Variants in PSPC1 observed in about 807,000 individuals in gnomAD.
PSPC1 encodes the protein paraspeckle protein 1.
PSPC1 carries 14 observed loss-of-function variants against 51.6 expected under a neutral mutation model. The observed-to-expected ratio is 0.27, with a 90% confidence interval of 0.18 to 0.42. The LOEUF (loss-of-function observed/expected upper bound fraction) is 0.42. Among genes scored for constraint, PSPC1 ranks in the 10% least tolerant of loss-of-function variants. The pLI, the probability that PSPC1 is intolerant of heterozygous loss-of-function variation, is 1.00. For missense variants in PSPC1, 406 were observed against 701.1 expected (o/e 0.58, Z 4.75); for synonymous variants, 193 against 231.9 (o/e 0.83, Z 1.53).
At chr13:19,695,476 T>A (rs965552138) in intron 6 of PSPC1, among the ~76,000 whole-genome samples, 3 of 152,240 alleles carry the variant, frequency 2.0e-5, no homozygotes, top group Non-Finnish European at 4.4e-5. Flanking sequence ...AAGGGCAATG[T>A]AGCACAATAC....
chr13:19,773,887 G>A (rs908298908), intron 1 of PSPC1, among the ~76,000 whole-genome samples: 6 of 151,958 alleles, frequency 3.9e-5, no homozygotes, highest in Non-Finnish European at 7.4e-5. Flanking sequence ...CGAACTCCTG[G>A]CCTCAAACAG....
intron 6 of PSPC1, among the ~76,000 whole-genome samples, chr13:19,686,901 A>G (rs540086970): frequency 6.6e-6 from 1 of 152,292 alleles, no homozygotes; most frequent in African/African-American, 2.4e-5. Flanking sequence ...AAGTATGAAT[A>G]TAGCCATCTT....
At chr13:19,680,554 T>C (rs1475218966) in intron 6 of PSPC1, among the ~76,000 whole-genome samples, 1 of 152,096 alleles carries the variant, frequency 6.6e-6, no homozygotes, top group Non-Finnish European at 1.5e-5. Context: ...AGACAGCACT[T>C]AATACTTCCT....
intron 2 of PSPC1, among the ~76,000 whole-genome samples, chr13:19,759,857 A>G (rs1887445443): frequency 1.4e-5 from 1 of 73,564 alleles, no homozygotes; most frequent in South Asian, 6.3e-4. Context: ...GCAAGACTCC[A>G]TCACAAAAAA....
downstream of PSPC1, among the ~76,000 whole-genome samples, chr13:19,674,099 C>G (rs1393687153): frequency 6.6e-6 from 1 of 152,238 alleles, no homozygotes; most frequent in Non-Finnish European, 1.5e-5. Flanking sequence ...TGTGGCCAGA[C>G]TCGCATCATG....
chr13:19,761,577 T>A (rs868765226), intron 2 of PSPC1, among the ~76,000 whole-genome samples: 4 of 152,230 alleles, frequency 2.6e-5, no homozygotes, highest in Middle Eastern at 6.8e-3. Context: ...ACAAAATAAC[T>A]TTTCAAAATT....
chr13:19,766,779 T>C (rs1018125272), intron 2 of PSPC1, among the ~76,000 whole-genome samples: 4 of 151,200 alleles, frequency 2.6e-5, no homozygotes, highest in Middle Eastern at 3.2e-3. Context: ...GACTTGAGCC[T>C]AGCAGGTTGA....
At chr13:19,745,156 A>G (rs1291525333) in intron 4 of PSPC1, among the ~76,000 whole-genome samples, 1 of 152,068 alleles carries the variant, frequency 6.6e-6, no homozygotes, top group Non-Finnish European at 1.5e-5. Context: ...TGTCTCTATT[A>G]AAACTACAAA....
chr13:19,753,106 CCG>C, intron 3 of PSPC1, among the ~76,000 whole-genome samples: 1 of 151,700 alleles, frequency 6.6e-6, no homozygotes, highest in South Asian at 2.1e-4. Flanking sequence ...CATGGCGAAA[CCG>C]CCCCTCTCTA....
chr13:19,708,219 T>C (rs541177651), intron 7 of PSPC1, among the ~76,000 whole-genome samples: 16 of 152,154 alleles, frequency 1.1e-4, no homozygotes, highest in Non-Finnish European at 2.2e-4. Context: ...TCATGGAAAA[T>C]GTTCATTCCA....
intron 6 of PSPC1, among the ~76,000 whole-genome samples, chr13:19,696,147 C>T (rs1879198890): frequency 6.6e-6 from 1 of 152,114 alleles, no homozygotes; most frequent in Admixed American, 6.6e-5. Context: ...CTCAAAATGG[C>T]TGATTCATGT....
At chr13:19,739,584 C>T (rs1014038594) in intron 5 of PSPC1, among the ~76,000 whole-genome samples, 2 of 151,906 alleles carry the variant, frequency 1.3e-5, no homozygotes, top group Non-Finnish European at 2.9e-5. Context: ...CCCATCTCTA[C>T]TAAAAATACA....
chr13:19,673,772 A>T (rs975805233), downstream of PSPC1, among the ~76,000 whole-genome samples: 2 of 152,206 alleles, frequency 1.3e-5, no homozygotes, highest in African/African-American at 4.8e-5. Context: ...AAATAGTTCA[A>T]ATTATCCGGG....
chr13:19,699,575 A>G (rs181112574), downstream of PSPC1, among the ~76,000 whole-genome samples: 5 of 152,190 alleles, frequency 3.3e-5, no homozygotes, highest in East Asian at 5.8e-4. Flanking sequence ...GCTGGGCTAC[A>G]TAAGAGGTGG....
At chr13:19,772,141 T>TA in intron 2 of PSPC1, 101 bp downstream of exon 2, 1 of 1,267,608 alleles carries the variant, frequency 7.9e-7, no homozygotes, top group Non-Finnish European at 1.1e-6. Context: ...AACACCTACT[T>TA]ACCATATGCT....
At chr13:19,730,965 C>CAAACAAAA (rs1491536715) in intron 5 of PSPC1, among the ~76,000 whole-genome samples, 1 of 37,304 alleles carries the variant, frequency 2.7e-5, no homozygotes, top group Non-Finnish European at 6.2e-5. Context: ...AACAAAAAAA[C>CAAACAAAA]AAAAAAAAAA....
intron 6 of PSPC1, among the ~76,000 whole-genome samples, chr13:19,713,080 C>A (rs1343328606): frequency 6.6e-6 from 1 of 152,030 alleles, no homozygotes; most frequent in Non-Finnish European, 1.5e-5. Context: ...AACTGTGTGC[C>A]CACCCAACAA....
intron 5 of PSPC1, among the ~76,000 whole-genome samples, chr13:19,732,231 T>A (rs1486953642): frequency 6.6e-6 from 1 of 152,172 alleles, no homozygotes; most frequent in Non-Finnish European, 1.5e-5. Flanking sequence ...GTATAATCCT[T>A]AAAAATAATC....
chr13:19,731,555 G>A lies in PSPC1; in HGVS notation c.1053-1211C>T, dbSNP rs187531577. Among the ~76,000 whole-genome samples the A allele has an allele frequency of 4.6e-5, 7 of 152,150 alleles. No homozygotes were observed. In the East Asian group the frequency reaches 9.7e-4, roughly 21 times the overall value. The stretch of plus-strand genomic sequence containing the variant: ...TAGCCTCCCAAGTAGCTGGGACTAC[G>A]GGCACGTGCCACTATGTCCAGATAA... On this transcript the variant is annotated intron_variant, in intron 5 of 8. Coordinates refer to ENST00000338910, the MANE Select transcript of PSPC1 (RefSeq NM_001354909.2).
Sources: allele counts gnomAD v4.1 joint callset (sites outside exome capture counted in the v4.1 genomes callset), GRCh38; gene constraint gnomAD v4.1.1; transcripts MANE v1.5; gene names NCBI Gene and HGNC (gene_info 2026-07-23, HGNC 2026-07-21).